The following NCKIPSD variants were observed in gnomAD, a reference collection of about 807,000 sequenced individuals.
The protein encoded by NCKIPSD is NCK-interacting protein with SH3 domain.
NCKIPSD carries 48 observed loss-of-function variants against 73.4 expected under a neutral mutation model. The observed-to-expected ratio is 0.65, with a 90% confidence interval of 0.52 to 0.83. NCKIPSD has a LOEUF of 0.83. Among genes scored for constraint, NCKIPSD ranks in the 40% least tolerant of loss-of-function variants. The pLI, the probability that NCKIPSD is intolerant of heterozygous loss-of-function variation, is 0.00. For synonymous variants in NCKIPSD, 422 were observed against 403.6 expected (o/e 1.05, Z -0.54); for missense variants, 884 against 970.2 (o/e 0.91, Z 1.18).
At position 48,679,675 on chromosome 3, in the gene NCKIPSD, G is replaced by C. The variant is rs200717762; in HGVS notation, c.1389C>G (p.Cys463Trp). 1 of 1,614,204 alleles carries C rather than the reference G, an allele frequency of 6.2e-7. No individual in the cohort carries two copies. The highest frequency in any genetic ancestry group is 1.7e-5 in the Admixed American group (1 of 60,030). ...CATCCAGGCTGCACATGGCGCCAAA[G>C]CACTTGAGGAGCAGCAGCCGCAGTG... Reference protein sequence around the residue: ...RASLRLLLLKCFGAMCSLDAA... With the variant: ...RASLRLLLLKWFGAMCSLDAA... Residue 463 changes from cysteine to tryptophan, a missense_variant, in exon 8 of 13, where the codon TGC becomes TGG. Coordinates refer to ENST00000294129, the MANE Select transcript of NCKIPSD (RefSeq NM_016453.4).
intron 1 of NCKIPSD, among the ~76,000 whole-genome samples, chr3:48,685,082 G>C (rs902143631): frequency 6.6e-6 from 1 of 151,118 alleles, no homozygotes; most frequent in African/African-American, 2.4e-5. Context: ...GTCCAAGTTG[G>C]GGGGTTGAGG....
chr3:48,678,745 C>T lies in NCKIPSD; in HGVS notation c.1793-9G>A. On this transcript the variant is annotated splice_polypyrimidine_tract_variant and intron_variant, in intron 11 of 12. Transcript: ENST00000294129. ...GATGCGCACAGGGTCATCTAGGAGG[C>T]AGGGGTCATAGCGGTCAGGGTGGAC... The T allele has an allele frequency of 6.2e-7, 1 of 1,612,566 alleles. No homozygotes were observed. The highest frequency in any genetic ancestry group is 1.7e-4 in the Middle Eastern group (1 of 6,054).
chr3:48,677,728 G>A (rs1449937386), intron 12 of NCKIPSD, among the ~76,000 whole-genome samples: 1 of 152,154 alleles, frequency 6.6e-6, no homozygotes, highest in Non-Finnish European at 1.5e-5. Flanking sequence ...GTGGCTTTGG[G>A]CTCCTGCTTT....
chr3:48,684,058 G>T (rs986221969), intron 1 of NCKIPSD, among the ~76,000 whole-genome samples: 4 of 151,652 alleles, frequency 2.6e-5, no homozygotes, highest in African/African-American at 9.7e-5. Context: ...AAAGAGAGGA[G>T]CTCAGAGAGG....
Position 48,673,879 on chromosome 3 carries a change from C to A in NCKIPSD, c.*665G>T, listed in dbSNP as rs555933541. ...CCTGTGATTTATTTCCAAAGGAGAG[C>A]TACAGCACATAGGAAAATACACATG... On this transcript the variant is annotated 3_prime_UTR_variant, in exon 13 of 13. Coordinates refer to ENST00000294129, the MANE Select transcript of NCKIPSD (RefSeq NM_016453.4). 58 of 1,050,480 alleles carry A rather than the reference C, an allele frequency of 5.5e-5. No individual in the cohort carries two copies. The African/African-American group carries it at 9.5e-4, about 17-fold the overall frequency. 65.1% of individuals were successfully genotyped at this position (1,050,480 alleles called of 1,614,324 possible).
rs762248535 is a variant in NCKIPSD, at chr3:48,678,749, G to A, written c.1793-13C>T. ...CGCACAGGGTCATCTAGGAGGCAGG[G>A]GTCATAGCGGTCAGGGTGGACCTTG... is the stretch of plus-strand genomic sequence containing the variant. On this transcript the variant is annotated splice_polypyrimidine_tract_variant and intron_variant, in intron 11 of 12. Coordinates refer to ENST00000294129, the MANE Select transcript of NCKIPSD (RefSeq NM_016453.4). 6.2e-7 allele frequency: 1 copy of A among 1,612,312 alleles called. No homozygotes were observed.
rs368902568 is a variant in NCKIPSD at position 48,682,978 on chromosome 3, C to T, written c.206G>A (p.Arg69Gln). 330 of 1,551,102 alleles carry T rather than the reference C, an allele frequency of 2.1e-4. No homozygotes were observed. Among genetic ancestry groups the T allele is most frequent in the Middle Eastern group, 7.7e-4 (4 of 5,162 alleles). The change falls in exon 2 of 13, where the codon CGG (arginine) becomes CAG (glutamine). Residue 69 changes from arginine (R) to glutamine (Q), a missense_variant. By Grantham distance (43) the Arg-to-Gln change is conservative. Transcript: ENST00000294129. ...TGTGTTGTGTACAGCCTCGATGGCC[C>T]GGTCAATGGCCTGGAGGACATCCTG... is the stretch of plus-strand genomic sequence containing the variant. ...LEQDVLQAIDRAIEAVHNTAM... is the reference protein window; with the variant it reads ...LEQDVLQAIDQAIEAVHNTAM...
At chr3:48,682,832 T>C in intron 2 of NCKIPSD, 71 bp downstream of exon 2, 1 of 1,509,658 alleles carries the variant, frequency 6.6e-7, no homozygotes, top group South Asian at 1.2e-5. Context: ...ACCTGCCCCA[T>C]GACACTCATT....
In NCKIPSD at chr3:48,678,668, C is replaced by A. The variant is rs758579855; in HGVS notation, c.1861G>T (p.Val621Leu). 4 of 1,614,092 alleles carry A rather than the reference C, an allele frequency of 2.5e-6. No individual in the cohort carries two copies. The African/African-American group carries it at 5.3e-5, about 22-fold the overall frequency. Residue 621 changes from valine (V) to leucine (L), a missense_variant, in exon 12 of 13, where the codon GTG (valine) becomes TTG (leucine). Val to Leu is a conservative substitution (Grantham distance 32). Coordinates refer to ENST00000294129, the MANE Select transcript of NCKIPSD (RefSeq NM_016453.4). ...PHSVLKFLQD[V>L]FGSPATAAIF... ...GCAGCTGTGGCCGGGCTGCCAAACA[C>A]GTCCTGCAGGAACTTGAGGACAGAG...
intron 9 of NCKIPSD, 33 bp downstream of exon 9, chr3:48,679,344 C>CTG (rs1397803525): frequency 1.2e-6 from 2 of 1,613,836 alleles, no homozygotes. Context: ...GGCTTAGGAC[C>CTG]TGTGATCAGC....
intron 9 of NCKIPSD, 92 bp downstream of exon 9, chr3:48,679,285 T>C: frequency 6.5e-7 from 1 of 1,543,482 alleles, no homozygotes; most frequent in South Asian, 1.1e-5. Flanking sequence ...AGCCTCTCCC[T>C]GCTAGGCTGT....
rs747101294 is a variant in NCKIPSD, at chr3:48,679,173, G to A, written c.1581C>T (p.Gly527=). 5 of 1,614,022 alleles carry A rather than the reference G, an allele frequency of 3.1e-6. No homozygotes were observed. Among genetic ancestry groups the A allele is most frequent in the Non-Finnish European group, 4.2e-6 (5 of 1,179,964 alleles). ...AVPYAHYEHL[G]TPFAQFLLNI... The stretch of plus-strand genomic sequence containing the variant: ...TCAGTAGGAACTGGGCGAAAGGCGT[G>A]CCCAGGTGCTCTGGGAGAGGGGCGC... Residue 527 remains glycine (G), a synonymous_variant, in exon 10 of 13, where the codon GGC becomes GGT. Transcript: ENST00000294129.
Position 48,674,621 on chromosome 3 carries a change from G to A in NCKIPSD, c.2092C>T (p.Pro698Ser), listed in dbSNP as rs1186233709. Residue 698 changes from proline (P) to serine (S), a missense_variant, in exon 13 of 13, where the codon CCC becomes TCC. By Grantham distance (74) the Pro-to-Ser change is moderately conservative (BLOSUM62 -1). Transcript: ENST00000294129. The stretch of plus-strand genomic sequence containing the variant: ...ATCATGCGGTCCATCTGGCACTGGG[G>A]TGAGGTCTCCTCCTCATTCAGGATG... Reference protein sequence around the residue: ...RRILNEEETSPQCQMDRMIVR... With the variant: ...RRILNEEETSSQCQMDRMIVR... 1.9e-6 allele frequency: 3 copies of A among 1,612,992 alleles called. No individual in the cohort carries two copies. Among genetic ancestry groups the A allele is most frequent in the Non-Finnish European group, 2.5e-6 (3 of 1,179,574 alleles).
chr3:48,674,625 G>A lies in NCKIPSD; in HGVS notation c.2088C>T (p.Thr696=). ...ILRRILNEEE[T]SPQCQMDRMI... ...TGCGGTCCATCTGGCACTGGGGTGA[G>A]GTCTCCTCCTCATTCAGGATGCGTC... Residue 696 remains threonine, a synonymous_variant, in exon 13 of 13, where the codon ACC becomes ACT. Transcript: ENST00000294129. 5 of 1,613,182 alleles carry A rather than the reference G, an allele frequency of 3.1e-6. No individual in the cohort carries two copies. Among genetic ancestry groups the A allele is most frequent in the Middle Eastern group, 1.6e-4 (1 of 6,062 alleles).
chr3:48,675,007 G>T (rs1327674211), intron 12 of NCKIPSD, among the ~76,000 whole-genome samples: 1 of 152,040 alleles, frequency 6.6e-6, no homozygotes, highest in South Asian at 2.1e-4. Context: ...TTTGAAGCTG[G>T]GTCTCTCAAG....
rs1165594442 is a variant in NCKIPSD, at chr3:48,682,516, G to A, written c.318C>T (p.Arg106=). The A allele has an allele frequency of 3.7e-6, 6 of 1,614,152 alleles. No individual in the cohort carries two copies. In the South Asian group the frequency reaches 4.4e-5, roughly 12 times the overall value. ...CAACACTGGAGGCTGAAGGGCCTCTGCGTGACAGGGTCTCTTTCCGGTGGT... is the reference window on the plus strand; with the variant it reads ...CAACACTGGAGGCTGAAGGGCCTCTACGTGACAGGGTCTCTTTCCGGTGGT... ...LIHHRKETLS[R]RGPSASSVAV... is the part of the protein sequence containing the mutation. The change falls in exon 3 of 13, where the codon CGC becomes CGT. Residue 106 remains arginine, a synonymous_variant. Transcript: ENST00000294129.
Position 48,674,497 on chromosome 3 carries a change from CCCCTG to C in NCKIPSD, c.*42_*46del. On this transcript the variant is annotated 3_prime_UTR_variant, in exon 13 of 13. Transcript: ENST00000294129. ...CATTCTTAGGGCCAAGCCCCTGAGT[CCCCTG>C]CACACTGACTGGAGCTGCAGGGAAG... 1 of 1,548,476 alleles carries C rather than the reference CCCCTG, an allele frequency of 6.5e-7. No homozygotes were observed. Among genetic ancestry groups the C allele is most frequent in the South Asian group, 1.2e-5 (1 of 83,850 alleles).
rs1412730901 is a variant in NCKIPSD at position 48,679,044 on chromosome 3, C to A, written c.1699+11G>T. 6.2e-7 allele frequency: 1 copy of A among 1,614,144 alleles called. No homozygotes were observed. The highest frequency in any genetic ancestry group is 8.5e-7 in the Non-Finnish European group (1 of 1,180,026). On this transcript the variant is annotated intron_variant, in intron 10 of 12. Coordinates refer to ENST00000294129, the MANE Select transcript of NCKIPSD (RefSeq NM_016453.4). The stretch of plus-strand genomic sequence containing the variant: ...TGTGCTCAGCCACCGCCCAGCCAGG[C>A]CCCACCCCACCTGGCAGGTGCAGGT...
rs1356318303 is a variant in NCKIPSD at position 48,679,708 on chromosome 3, G to C, written c.1356C>G (p.His452Gln). Residue 452 changes from histidine to glutamine, a missense_variant, in exon 8 of 13, where the codon CAC becomes CAG. Coordinates refer to ENST00000294129, the MANE Select transcript of NCKIPSD (RefSeq NM_016453.4). ...LALVAYYQMEHRASLRLLLLK... is the reference protein window; with the variant it reads ...LALVAYYQMEQRASLRLLLLK... Reference sequence around the variant, plus strand: ...GGAGCAGCAGCCGCAGTGATGCTCGGTGTTCCTGGCAGGGAACCCTGCGTG... The same window carrying C: ...GGAGCAGCAGCCGCAGTGATGCTCGCTGTTCCTGGCAGGGAACCCTGCGTG... 3.7e-6 allele frequency: 6 copies of C among 1,614,150 alleles called. No homozygotes were observed. The highest frequency in any genetic ancestry group is 5.1e-6 in the Non-Finnish European group (6 of 1,180,026).
Sources: gnomAD v4.1 joint callset for allele counts (sites outside exome capture counted in the v4.1 genomes callset) on GRCh38, gnomAD v4.1.1 for gene constraint, MANE v1.5 for transcripts, NCBI Gene and HGNC (gene_info 2026-07-23, HGNC 2026-07-21) for gene names.